The following CMYA5 variants were observed in gnomAD, a reference collection of about 807,000 sequenced individuals.
The protein encoded by CMYA5 is cardiomyopathy-associated protein 5.
Under a neutral mutation model 318.9 loss-of-function variants are expected in CMYA5, and 246 were observed. That is an observed-to-expected ratio of 0.77 (90% CI 0.70 to 0.86). The LOEUF (loss-of-function observed/expected upper bound fraction) is 0.86, where lower values mean the gene tolerates loss of function less well. Among genes scored for constraint, CMYA5 ranks in the 40% least tolerant of loss-of-function variants. The pLI is 0.00. For missense variants in CMYA5, 4,589 were observed against 4,678.2 expected, an observed-to-expected ratio of 0.98 and a Z score of 0.56; for synonymous variants, 1,641 against 1,729.5, an observed-to-expected ratio of 0.95 and a Z score of 1.27.
chr5:79,698,675 C>G (rs1827118646), intron 1 of CMYA5, among the ~76,000 whole-genome samples: 1 of 152,228 alleles, frequency 6.6e-6, no homozygotes. Context: ...TAGTTCACTC[C>G]CTTCTTGTCT....
intron 9 of CMYA5, among the ~76,000 whole-genome samples, chr5:79,787,968 T>C (rs2151099986): frequency 6.6e-6 from 1 of 152,212 alleles, no homozygotes; most frequent in Admixed American, 6.5e-5. Context: ...CAGTGACCAC[T>C]CTTGGATTCT....
At chr5:79,798,606 G>A (rs932126054) in intron 12 of CMYA5, among the ~76,000 whole-genome samples, 4 of 152,146 alleles carry the variant, frequency 2.6e-5, no homozygotes, top group Non-Finnish European at 4.4e-5. Flanking sequence ...GCCGTGGTCC[G>A]AGTTTCAAAT....
chr5:79,757,048 A>C (rs960040716), intron 6 of CMYA5, among the ~76,000 whole-genome samples: 2 of 151,916 alleles, frequency 1.3e-5, no homozygotes, highest in African/African-American at 4.8e-5. Context: ...CAAAAAAATG[A>C]GCTGGGCGTG....
intron 1 of CMYA5, among the ~76,000 whole-genome samples, chr5:79,724,599 G>A (rs1390769935): frequency 6.6e-6 from 1 of 152,184 alleles, no homozygotes; most frequent in Non-Finnish European, 1.5e-5. Context: ...GATGTTAACT[G>A]ATAATCAGAA....
rs370374442 is a variant in CMYA5 at position 79,787,649 on chromosome 5, T to A, written c.11556-1322T>A. 5.9e-5 allele frequency among the ~76,000 whole-genome samples: 9 copies of A among 152,118 alleles called. No homozygotes were observed. In the East Asian group the frequency reaches 1.5e-3, roughly 26 times the overall value. Reference sequence around the variant, plus strand: ...ATAACAACCAATATGATTCAAGGAGTTTGCACTGACCTTTTCCAGACATTG... The same window carrying A: ...ATAACAACCAATATGATTCAAGGAGATTGCACTGACCTTTTCCAGACATTG... On this transcript the variant is annotated intron_variant, in intron 9 of 12. Coordinates refer to ENST00000446378, the MANE Select transcript of CMYA5 (RefSeq NM_153610.5).
At chr5:79,696,478 C>T (rs141073317) in intron 1 of CMYA5, among the ~76,000 whole-genome samples, 5 of 152,314 alleles carry the variant, frequency 3.3e-5, no homozygotes, top group Admixed American at 1.3e-4. Context: ...TCAGAGCCCT[C>T]TCAGGGAGCT....
intron 1 of CMYA5, among the ~76,000 whole-genome samples, chr5:79,706,469 A>C (rs372097025): frequency 7.9e-5 from 12 of 152,336 alleles, no homozygotes; most frequent in African/African-American, 2.9e-4. Context: ...ACGTGAAGCT[A>C]GACAACCGGT....
chr5:79,785,110 A>C (rs1284295526), intron 9 of CMYA5, among the ~76,000 whole-genome samples: 2 of 151,034 alleles, frequency 1.3e-5, no homozygotes, highest in African/African-American at 2.4e-5. Flanking sequence ...ATTATTATAC[A>C]CTCAAGAGAC....
intron 1 of CMYA5, among the ~76,000 whole-genome samples, chr5:79,701,090 CA>C (rs1554097982): frequency 0.12 from 13,339 of 114,904 alleles, 667 homozygotes; most frequent in East Asian, 0.19. Context: ...ACTAAAAATA[CA>C]AAAAAAAAAA....
intron 1 of CMYA5, among the ~76,000 whole-genome samples, chr5:79,693,495 C>T (rs1827010815): frequency 6.6e-6 from 1 of 152,020 alleles, no homozygotes; most frequent in Admixed American, 6.6e-5. Context: ...TGTGCATCAC[C>T]AGGCCTGGCT....
rs569509715 is a variant in CMYA5, at chr5:79,761,833, G to A, written c.11283G>A (p.Leu3761=). Residue 3761 remains leucine, a synonymous_variant, in exon 8 of 13, where the codon CTG becomes CTA. Transcript: ENST00000446378. ...TAGAGTTGGTAGAAGAATACAGACT[G>A]ACAGTGAAAGAAAGCTACTGCATTT... ...EVNELVEEYR[L]TVKESYCIFE... 3.7e-6 allele frequency: 6 copies of A among 1,613,508 alleles called. No homozygotes were observed. In the South Asian group the frequency reaches 6.6e-5, roughly 18 times the overall value.
chr5:79,737,061 GAGTC>G lies in CMYA5; in HGVS notation c.8299_8302del (p.Glu2768TyrfsTer7). 19 of 1,613,686 alleles carry G rather than the reference GAGTC, an allele frequency of 1.2e-5. No individual in the cohort carries two copies. The highest frequency in any genetic ancestry group is 1.5e-5 in the Non-Finnish European group (18 of 1,179,790). ...CAGTGAAGAAAAAGAACAGTTCAAA[GAGTC>G]AGAGCTATGGAAAGGTGGTTCAGTA... is the stretch of plus-strand genomic sequence containing the variant. On this transcript the variant is annotated frameshift_variant, in exon 2 of 13. Coordinates refer to ENST00000446378, the MANE Select transcript of CMYA5 (RefSeq NM_153610.5). LOFTEE classifies it high-confidence loss of function.
chr5:79,797,447 C>A (rs1008869050), intron 12 of CMYA5, among the ~76,000 whole-genome samples: 7 of 152,218 alleles, frequency 4.6e-5, no homozygotes, highest in African/African-American at 1.4e-4. Context: ...GTGACAAAGG[C>A]AATGACTTTA....
Position 79,731,978 on chromosome 5 carries a change from G to A in CMYA5, c.3213G>A (p.Leu1071=). 2 of 1,613,722 alleles carry A rather than the reference G, an allele frequency of 1.2e-6. No homozygotes were observed. Among genetic ancestry groups the A allele is most frequent in the Non-Finnish European group, 1.7e-6 (2 of 1,179,828 alleles). The change falls in exon 2 of 13, where the codon TTG becomes TTA. Residue 1071 remains leucine (L), a synonymous_variant. Coordinates refer to ENST00000446378, the MANE Select transcript of CMYA5 (RefSeq NM_153610.5). ...AGCAAAAAGCTGAAACTTTCCCTTT[G>A]ATGTCTCCGCTTGAAGACTTAAGTC... ...SQKQKAETFP[L]MSPLEDLSLP... is the part of the protein sequence containing the mutation.
rs537245109 is a variant in CMYA5, at chr5:79,731,488, A to G, written c.2723A>G (p.Tyr908Cys). ...GCTTCTGAATTTTCAGTACCACCAT[A>G]TGCAACACCGGAGGCACAGGAGGAA... The part of the protein sequence containing the change: ...TSASEFSVPP[Y>C]ATPEAQEEEI... The change falls in exon 2 of 13, where the codon TAT (tyrosine) becomes TGT (cysteine). Residue 908 changes from tyrosine (Y) to cysteine (C), a missense_variant. Coordinates refer to ENST00000446378, the MANE Select transcript of CMYA5 (RefSeq NM_153610.5). 1 of 1,607,004 alleles carries G rather than the reference A, an allele frequency of 6.2e-7. No homozygotes were observed. Among genetic ancestry groups the G allele is most frequent in the South Asian group, 1.1e-5 (1 of 89,638 alleles).
At chr5:79,763,485 C>G in intron 9 of CMYA5, 1 of 375,138 alleles carries the variant, frequency 2.7e-6, no homozygotes, top group Non-Finnish European at 4.9e-6. Flanking sequence ...TATTTAACTT[C>G]AGTCATTAGA....
At chr5:79,771,286 C>G (rs1828852430) in intron 9 of CMYA5, among the ~76,000 whole-genome samples, 1 of 152,128 alleles carries the variant, frequency 6.6e-6, no homozygotes, top group East Asian at 1.9e-4. Context: ...CTTTACGTCA[C>G]TTAGGGGAGT....
chr5:79,797,308 T>G (rs1469672591), intron 12 of CMYA5, among the ~76,000 whole-genome samples: 5 of 152,198 alleles, frequency 3.3e-5, no homozygotes, highest in Non-Finnish European at 7.3e-5. Context: ...GACCCAAGAC[T>G]CTTCTACTAA....
chr5:79,778,682 TA>T (rs1470036550), intron 9 of CMYA5, among the ~76,000 whole-genome samples: 1 of 151,800 alleles, frequency 6.6e-6, no homozygotes, highest in South Asian at 2.1e-4. Flanking sequence ...TTCAAATCTT[TA>T]AAAATTTTTT....
Sources: allele counts gnomAD v4.1 joint callset (sites outside exome capture counted in the v4.1 genomes callset), GRCh38; gene constraint gnomAD v4.1.1; transcripts MANE v1.5; gene names NCBI Gene and HGNC (gene_info 2026-07-23, HGNC 2026-07-21).